Variants in TMEM163 observed in about 807,000 individuals in gnomAD.
TMEM163 encodes the protein transmembrane protein 163.
A neutral mutation model predicts 29.3 loss-of-function variants in TMEM163; 17 were observed. That is an observed-to-expected ratio of 0.58 (90% CI 0.40 to 0.87). TMEM163 has a LOEUF of 0.87. Among genes scored for constraint, TMEM163 ranks in the 40% least tolerant of loss-of-function variants. TMEM163 has a pLI of 0.00. For missense variants in TMEM163, 303 were observed against 381.5 expected, an observed-to-expected ratio of 0.79 and a Z score of 1.71; for synonymous variants, 157 against 160.6, an observed-to-expected ratio of 0.98 and a Z score of 0.17.
chr2:134,664,945 A>C (rs1396434437), intron 2 of TMEM163, among the ~76,000 whole-genome samples: 1 of 151,906 alleles, frequency 6.6e-6, no homozygotes, highest in Non-Finnish European at 1.5e-5. Context: ...GCAGTAGTGC[A>C]GTCTCGGTTC....
At chr2:134,701,089 C>T (rs1684693195) in intron 2 of TMEM163, among the ~76,000 whole-genome samples, 1 of 151,698 alleles carries the variant, frequency 6.6e-6, no homozygotes, top group Non-Finnish European at 1.5e-5. Flanking sequence ...AGATCTGGAG[C>T]TCAGACGATG....
intron 2 of TMEM163, among the ~76,000 whole-genome samples, chr2:134,624,825 C>T (rs1034442513): frequency 2.0e-5 from 3 of 152,144 alleles, no homozygotes; most frequent in East Asian, 1.9e-4. Context: ...AGGAGAATTA[C>T]TTGAACCCAA....
intron 2 of TMEM163, among the ~76,000 whole-genome samples, chr2:134,626,600 C>T (rs188332509): frequency 6.6e-6 from 1 of 152,296 alleles, no homozygotes; most frequent in East Asian, 1.9e-4. Flanking sequence ...AACTTGATCC[C>T]ACCTGCAAAG....
At chr2:134,649,455 A>G (rs147940640) in intron 2 of TMEM163, among the ~76,000 whole-genome samples, 1 of 152,350 alleles carries the variant, frequency 6.6e-6, no homozygotes, top group East Asian at 1.9e-4. Flanking sequence ...AGCCCATTGA[A>G]GCACTCTCTA....
Position 134,717,638 on chromosome 2 carries a change from T to C in TMEM163, c.202+1096A>G, listed in dbSNP as rs112524646. On this transcript the variant is annotated intron_variant, in intron 1 of 7. Transcript: ENST00000281924. ...TATAAACCCGCCATAGCCAACAAAA[T>C]AAGGCTTCCAAGAAAAGGGGGTGGA... is the stretch of plus-strand genomic sequence containing the variant. Among the ~76,000 whole-genome samples the C allele has an allele frequency of 1.2e-3, 186 of 152,112 alleles. 1 individual carries two copies. The highest frequency in any genetic ancestry group is 4.3e-3 in the African/African-American group (180 of 41,498).
At chr2:134,531,819 G>A (rs776731626) in intron 4 of TMEM163, among the ~76,000 whole-genome samples, 2 of 152,060 alleles carry the variant, frequency 1.3e-5, no homozygotes, top group Non-Finnish European at 2.9e-5. Context: ...TTAAACCACT[G>A]GGCACATCAA....
chr2:134,629,710 G>C (rs1682928045), intron 2 of TMEM163, among the ~76,000 whole-genome samples: 1 of 152,110 alleles, frequency 6.6e-6, no homozygotes, highest in South Asian at 2.1e-4. Flanking sequence ...ACTCTATCAA[G>C]TTTTCTAATA....
intron 2 of TMEM163, among the ~76,000 whole-genome samples, chr2:134,594,651 C>A (rs889132933): frequency 1.3e-5 from 2 of 152,198 alleles, no homozygotes; most frequent in African/African-American, 4.8e-5. Context: ...TGGCAGAAAG[C>A]CTGCTTGCTG....
chr2:134,521,003 C>CCTT (rs1680178329), intron 4 of TMEM163, among the ~76,000 whole-genome samples: 1 of 146,396 alleles, frequency 6.8e-6, no homozygotes, highest in South Asian at 2.1e-4. Flanking sequence ...GCCTTGGGAA[C>CCTT]TTTTTTTTTT....
chr2:134,520,239 G>T (rs912766468), intron 4 of TMEM163, among the ~76,000 whole-genome samples: 1 of 152,174 alleles, frequency 6.6e-6, no homozygotes, highest in African/African-American at 2.4e-5. Flanking sequence ...ATTCATTAAT[G>T]GCATAGACAC....
At chr2:134,568,735 G>C (rs1157799908) in intron 2 of TMEM163, among the ~76,000 whole-genome samples, 2 of 151,938 alleles carry the variant, frequency 1.3e-5, no homozygotes, top group African/African-American at 2.4e-5. Context: ...AACAAAGAAA[G>C]AAAGAAAAAA....
Position 134,658,799 on chromosome 2 carries a change from G to A in TMEM163, c.322+54401C>T, listed in dbSNP as rs563771970. Among the ~76,000 whole-genome samples, 6 of 152,144 alleles carry A rather than the reference G, an allele frequency of 3.9e-5. No individual in the cohort carries two copies. In the East Asian group the frequency reaches 9.7e-4, roughly 24 times the overall value. On this transcript the variant is annotated intron_variant, in intron 2 of 7. Transcript: ENST00000281924. ...TTTTTAGTAGACATGGGATTTCACC[G>A]TGTTAGCCAGGATGGTCTTGATCAC...
At position 134,649,124 on chromosome 2, in the gene TMEM163, G is replaced by A. The variant is rs192165421; in HGVS notation, c.322+64076C>T. Reference sequence around the variant, plus strand: ...AATAAGTGTGTGCGACAAAATAATAGGCAAAGAGGCTGAAGAAAATATTCA... The same window carrying A: ...AATAAGTGTGTGCGACAAAATAATAAGCAAAGAGGCTGAAGAAAATATTCA... On this transcript the variant is annotated intron_variant, in intron 2 of 7. Transcript: ENST00000281924. Among the ~76,000 whole-genome samples the A allele has an allele frequency of 2.7e-4, 41 of 152,152 alleles. 1 individual carries two copies. The highest frequency in any genetic ancestry group is 3.4e-3 in the Middle Eastern group (1 of 294).
chr2:134,474,812 T>C (rs1409384869), intron 5 of TMEM163, among the ~76,000 whole-genome samples: 1 of 152,170 alleles, frequency 6.6e-6, no homozygotes, highest in Non-Finnish European at 1.5e-5. Flanking sequence ...GTAAGACCTG[T>C]GCACTGAAAA....
intron 5 of TMEM163, among the ~76,000 whole-genome samples, chr2:134,493,610 G>A (rs372891972): frequency 6.6e-6 from 1 of 152,024 alleles, no homozygotes; most frequent in Non-Finnish European, 1.5e-5. Context: ...GACCTCAGGC[G>A]ATCTGCCCGC....
intron 2 of TMEM163, among the ~76,000 whole-genome samples, chr2:134,637,204 T>C (rs1683123651): frequency 4.6e-5 from 2 of 43,954 alleles, no homozygotes; most frequent in Non-Finnish European, 1.5e-4. Context: ...CCAGGGCCAC[T>C]GTCTGTGTGG....
chr2:134,641,247 CTT>C (rs1465918393), intron 2 of TMEM163, among the ~76,000 whole-genome samples: 4 of 151,874 alleles, frequency 2.6e-5, no homozygotes, highest in African/African-American at 9.7e-5. Context: ...AAAAGAAAAT[CTT>C]TTTAAAAAGT....
chr2:134,667,361 C>G (rs1034608930), intron 2 of TMEM163, among the ~76,000 whole-genome samples: 3 of 152,198 alleles, frequency 2.0e-5, no homozygotes. Context: ...CTGTGTTTTC[C>G]AAGGGATTCC....
intron 2 of TMEM163, among the ~76,000 whole-genome samples, chr2:134,594,718 A>G (rs998947089): frequency 4.6e-5 from 7 of 152,208 alleles, no homozygotes; most frequent in African/African-American, 1.7e-4. Context: ...GCAAGTAAAT[A>G]TCATTTCATC....
Sources: gnomAD v4.1 joint callset for allele counts (sites outside exome capture counted in the v4.1 genomes callset) on GRCh38, gnomAD v4.1.1 for gene constraint, MANE v1.5 for transcripts, NCBI Gene and HGNC (gene_info 2026-07-23, HGNC 2026-07-21) for gene names.